DENND4C: variants seen among roughly 807,000 people sequenced by gnomAD.
The protein encoded by DENND4C is DENN domain-containing protein 4C.
A neutral mutation model predicts 203.0 loss-of-function variants in DENND4C; 108 were observed. The ratio of observed to expected loss-of-function variants is 0.53; its 90% confidence interval spans 0.46 to 0.62. DENND4C has a LOEUF of 0.62. Ranked by LOEUF, DENND4C falls within the 20% of genes least tolerant of loss-of-function variation. DENND4C has a pLI of 0.00. For synonymous variants in DENND4C, 871 were observed against 792.4 expected, an observed-to-expected ratio of 1.10 and a Z score of -1.67; for missense variants, 2,481 against 2,301.2, an observed-to-expected ratio of 1.08 and a Z score of -1.60.
chr9:19,293,659 A>T (rs1836823260), intron 5 of DENND4C, among the ~76,000 whole-genome samples: 1 of 152,210 alleles, frequency 6.6e-6, no homozygotes, highest in Admixed American at 6.5e-5. Context: ...GGAAGTACCA[A>T]GGCTAAACAA....
At chr9:19,342,930 A>T in intron 22 of DENND4C, 151 bp downstream of exon 22, 1 of 589,624 alleles carries the variant, frequency 1.7e-6, no homozygotes, top group East Asian at 3.4e-5. Flanking sequence ...GGCTAAAGAA[A>T]TTGAAAATAT....
intron 17 of DENND4C, among the ~76,000 whole-genome samples, 192 bp from the exon 18 acceptor site, chr9:19,334,785 C>G (rs1015868302): frequency 6.6e-6 from 1 of 152,124 alleles, no homozygotes; most frequent in African/African-American, 2.4e-5. Flanking sequence ...CTCAGCCTCC[C>G]TAAGTGCTGT....
At chr9:19,232,174 C>T (rs530822169) in intron 1 of DENND4C, among the ~76,000 whole-genome samples, 1 of 152,208 alleles carries the variant, frequency 6.6e-6, no homozygotes, top group African/African-American at 2.4e-5. Flanking sequence ...GGTAAACTGC[C>T]GTCTTGCTGT....
intron 10 of DENND4C, among the ~76,000 whole-genome samples, chr9:19,314,351 G>A (rs948300800): frequency 1.3e-5 from 2 of 151,970 alleles, no homozygotes; most frequent in Non-Finnish European, 1.5e-5. Flanking sequence ...CTACTCAGGA[G>A]CCTGAGGCAG....
Position 19,346,289 on chromosome 9 carries a change from T to C in DENND4C, c.3520T>C (p.Ser1174Pro). 1 of 1,614,156 alleles carries C rather than the reference T, an allele frequency of 6.2e-7. No homozygotes were observed. The highest frequency in any genetic ancestry group is 1.3e-5 in the African/African-American group (1 of 75,042). The change falls in exon 23 of 33, where the codon TCA (serine) becomes CCA (proline). Residue 1174 changes from serine (S) to proline (P), a missense_variant. By Grantham distance (74) the Ser-to-Pro change is moderately conservative (BLOSUM62 -1). This residue lies in a region of DENND4C where 2,289 missense variants were observed against 2,113.3 expected (regional missense o/e 1.08). Transcript: ENST00000434457. ...AAGCACTTGGAATCCTGAGCACAGA[T>C]CATCTCCGGTGCCAGAGATGCTTGA... Reference protein sequence around the residue: ...SESTWNPEHRSSPVPEMLEES... With the variant: ...SESTWNPEHRPSPVPEMLEES...
At chr9:19,289,166 G>T (rs528752360) in intron 4 of DENND4C, among the ~76,000 whole-genome samples, 1 of 152,298 alleles carries the variant, frequency 6.6e-6, no homozygotes, top group South Asian at 2.1e-4. Context: ...AAACTTTTCT[G>T]CCATGAAGTG....
At chr9:19,356,084 T>TA (rs961147213) in intron 26 of DENND4C, among the ~76,000 whole-genome samples, 9 of 152,188 alleles carry the variant, frequency 5.9e-5, no homozygotes, top group African/African-American at 2.2e-4. Flanking sequence ...CAACAAATTT[T>TA]AAAGGTTTTT....
At chr9:19,342,534 T>C (rs1821890438) in intron 21 of DENND4C, 99 bp from the exon 22 acceptor site, 3 of 1,286,084 alleles carry the variant, frequency 2.3e-6, no homozygotes, top group Non-Finnish European at 3.1e-6. Context: ...ACACACTGAC[T>C]GTTGGAGAAA....
chr9:19,345,331 A>G (rs7029986), intron 22 of DENND4C, among the ~76,000 whole-genome samples: 3,535 of 152,308 alleles, frequency 0.023, 132 homozygotes, highest in African/African-American at 0.074. Flanking sequence ...ATTTGCCTTT[A>G]TATTCCTAGC....
chr9:19,340,911 G>A, intron 20 of DENND4C, 81 bp from the exon 21 acceptor site: 1 of 1,184,558 alleles, frequency 8.4e-7, no homozygotes, highest in South Asian at 2.4e-5. Context: ...GTGTAGATCA[G>A]TGGAATTTTC....
rs748344970 is a variant in DENND4C at position 19,341,005 on chromosome 9, C to A, written c.2895C>A (p.Asp965Glu). Residue 965 changes from aspartate to glutamate, a missense_variant, in exon 21 of 33, where the codon GAC becomes GAA. By Grantham distance (45) the Asp-to-Glu change is conservative (BLOSUM62 2). Transcript: ENST00000434457. ...TCTTTTTAACAGGTGGTCAGTCTGACCAAGGATACGGGTCTAAGGATGAAC... is the reference window on the plus strand; with the variant it reads ...TCTTTTTAACAGGTGGTCAGTCTGAACAAGGATACGGGTCTAAGGATGAAC... Reference protein sequence around the residue: ...DNHSSTGGQSDQGYGSKDELI... With the variant: ...DNHSSTGGQSEQGYGSKDELI... The A allele has an allele frequency of 6.2e-7, 1 of 1,607,758 alleles. No individual in the cohort carries two copies. The highest frequency in any genetic ancestry group is 1.3e-5 in the African/African-American group (1 of 74,450).
intron 6 of DENND4C, among the ~76,000 whole-genome samples, chr9:19,297,044 A>C (rs1391292742): frequency 6.6e-6 from 1 of 152,110 alleles, no homozygotes; most frequent in South Asian, 2.1e-4. Flanking sequence ...ATGTTGAGCT[A>C]CTCTTTTTTA....
At position 19,269,766 on chromosome 9, in the gene DENND4C, AGTTT is replaced by A. The variant is rs1453902368; in HGVS notation, c.-17-6386_-17-6383del. On this transcript the variant is annotated intron_variant, in intron 1 of 32. Transcript: ENST00000434457. ...AGGATTGGTCACTGGTGCCTCATTTAGTTTGTTTGGTGAGGTCATGTTTTCCTGT... is the reference window on the plus strand; with the variant it reads ...AGGATTGGTCACTGGTGCCTCATTTAGTTTGGTGAGGTCATGTTTTCCTGT... Among the ~76,000 whole-genome samples the A allele has an allele frequency of 1.4e-4, 22 of 152,130 alleles. 2 individuals are homozygous for A. The highest frequency in any genetic ancestry group is 4.6e-4 in the Admixed American group (7 of 15,274).
intron 1 of DENND4C, among the ~76,000 whole-genome samples, chr9:19,268,727 TG>T (rs1490189647): frequency 3.3e-5 from 5 of 150,568 alleles, no homozygotes; most frequent in African/African-American, 1.2e-4. Context: ...ATAAAAGTTT[TG>T]TTTTTTTTTC....
At chr9:19,262,126 G>A (rs189580126) in intron 1 of DENND4C, among the ~76,000 whole-genome samples, 346 of 108,498 alleles carry the variant, frequency 3.2e-3, no homozygotes, top group African/African-American at 0.012. Context: ...TTGTTCTGTC[G>A]CCCAGGCTGG....
At chr9:19,337,582 G>A (rs928633256) in intron 20 of DENND4C, 2 of 1,246,304 alleles carry the variant, frequency 1.6e-6, no homozygotes, top group Non-Finnish European at 1.0e-6. Context: ...GTCCTTGGCT[G>A]TCATGGTGTG....
intron 6 of DENND4C, 118 bp downstream of exon 6, chr9:19,296,364 C>CTTTTTT: frequency 4.2e-6 from 2 of 480,596 alleles, no homozygotes; most frequent in South Asian, 2.6e-5. Context: ...TTTAACTGAA[C>CTTTTTT]TTTTTTTTTT....
chr9:19,346,855 A>G lies in DENND4C; in HGVS notation c.4086A>G (p.Gln1362=), dbSNP rs755913095. The change falls in exon 23 of 33, where the codon CAA becomes CAG. Residue 1362 remains glutamine, a synonymous_variant. Coordinates refer to ENST00000434457, the MANE Select transcript of DENND4C (RefSeq NM_001330640.2). ...CTTTTACTGGGCGTTTCAAGCAGCA[A>G]ACCCCCTCTCGAACTCATAAAGAAC... ...SKTFTGRFKQ[Q]TPSRTHKERS... The G allele has an allele frequency of 5.6e-6, 9 of 1,614,234 alleles. No individual in the cohort carries two copies. Among genetic ancestry groups the G allele is most frequent in the African/African-American group, 1.3e-5 (1 of 75,064 alleles).
At position 19,373,186 on chromosome 9, in the gene DENND4C, C is replaced by T. The variant is rs1829128660; in HGVS notation, c.*1013C>T. The T allele has an allele frequency of 6.6e-6, 1 of 152,088 alleles. No homozygotes were observed. The highest frequency in any genetic ancestry group is 2.1e-4 in the South Asian group (1 of 4,830). The allele number at this position is 152,088 out of a possible 1,614,324, so 9.4% of individuals were successfully genotyped here. A position where few individuals can be genotyped will look rare whatever the true frequency, so the allele number is the denominator to read the frequency against. ...AAAACCGCAATTATTTTTGTACCAA[C>T]ATAATACACCTTTCATATTATGTAT... On this transcript the variant is annotated 3_prime_UTR_variant, in exon 33 of 33. Coordinates refer to ENST00000434457, the MANE Select transcript of DENND4C (RefSeq NM_001330640.2).
Sources: allele counts gnomAD v4.1 joint callset (sites outside exome capture counted in the v4.1 genomes callset), GRCh38; gene constraint gnomAD v4.1.1; regional missense constraint gnomAD v4.1.1; transcripts MANE v1.5; gene names NCBI Gene and HGNC (gene_info 2026-07-23, HGNC 2026-07-21).